The following GPM6A variants were observed in gnomAD, a reference collection of about 807,000 sequenced individuals.
GPM6A encodes neuronal membrane glycoprotein M6-a.
Under a neutral mutation model 32.1 loss-of-function variants are expected in GPM6A, and 7 were observed. That is an observed-to-expected ratio of 0.22 (90% CI 0.12 to 0.41). The LOEUF (loss-of-function observed/expected upper bound fraction) is 0.41, where lower values mean the gene tolerates loss of function less well. GPM6A is among the 10% of genes least tolerant of loss of function. GPM6A has a pLI of 1.00. For missense variants in GPM6A, 235 were observed against 347.2 expected, an observed-to-expected ratio of 0.68 and a Z score of 2.57; for synonymous variants, 130 against 123.4, an observed-to-expected ratio of 1.05 and a Z score of -0.35.
intron 4 of GPM6A, among the ~76,000 whole-genome samples, chr4:175,650,402 T>C (rs1269673502): frequency 1.3e-5 from 2 of 152,052 alleles, no homozygotes; most frequent in African/African-American, 2.4e-5. Flanking sequence ...CCTCCTGGGT[T>C]CAAGAAATTC....
chr4:175,917,997 C>T (rs2111520640), intron 1 of GPM6A, among the ~76,000 whole-genome samples: 1 of 151,968 alleles, frequency 6.6e-6, no homozygotes, highest in East Asian at 1.9e-4. Flanking sequence ...ACTGAAATAG[C>T]TGCTTTAGTG....
rs533774454 is a variant in GPM6A at position 175,899,665 on chromosome 4, C to T, written c.-22-87416G>A. ...AATGAAGCTGGCAAAATTGGATATG[C>T]GTATGCAGAAGAATGAAACTACACC... On this transcript the variant is annotated intron_variant, in intron 1 of 7. Coordinates refer to the GPM6A transcript ENST00000280187. Among the ~76,000 whole-genome samples the T allele has an allele frequency of 2.7e-3, 408 of 152,012 alleles. 4 individuals carry two copies. The highest frequency in any genetic ancestry group is 9.3e-3 in the African/African-American group (386 of 41,464).
At chr4:175,826,641 G>A (rs1027408) in intron 1 of GPM6A, among the ~76,000 whole-genome samples, 146,971 of 152,246 alleles carry the variant, frequency 0.97, 71,176 homozygotes, top group East Asian at 1. Context: ...TGAATACAGA[G>A]ACATGCAATT....
At chr4:175,849,142 A>C (rs1175624445) in intron 1 of GPM6A, among the ~76,000 whole-genome samples, 1 of 152,212 alleles carries the variant, frequency 6.6e-6, no homozygotes, top group East Asian at 1.9e-4. Context: ...TATGTTTCCT[A>C]TCCAAAGGTA....
intron 3 of GPM6A, 140 bp from the exon 4 acceptor site, chr4:175,652,127 G>A: frequency 1.8e-6 from 1 of 560,386 alleles, no homozygotes; most frequent in Admixed American, 3.5e-5. Context: ...TTGATTTGCA[G>A]CACAGAAGGT....
intron 1 of GPM6A, among the ~76,000 whole-genome samples, chr4:175,860,688 C>T (rs911937248): frequency 1.3e-5 from 2 of 152,132 alleles, no homozygotes; most frequent in African/African-American, 4.8e-5. Context: ...GACAAGCAAG[C>T]AGAACCCCCA....
chr4:175,976,198 C>T lies in GPM6A; in HGVS notation c.-23+26111G>A, dbSNP rs529613570. Among the ~76,000 whole-genome samples the T allele has an allele frequency of 3.4e-5, 5 of 146,500 alleles. No individual in the cohort carries two copies. In the East Asian group the frequency reaches 1.0e-3, roughly 31 times the overall value. ...TTCTTGAGACGGAGTCTTCCTGTGT[C>T]GCCCAGGCTGGAGTGCAGCTGCAAG... is the stretch of plus-strand genomic sequence containing the variant. On this transcript the variant is annotated intron_variant, in intron 1 of 7. Transcript: ENST00000280187.
In GPM6A at chr4:175,988,500, T is replaced by C. The variant is rs1475590586; in HGVS notation, c.-23+13809A>G. On this transcript the variant is annotated intron_variant, in intron 1 of 7. Coordinates refer to the GPM6A transcript ENST00000280187. ...CATATATTCAAAGACTAAAGAACCT[T>C]ATTTGAGATGCCCAAAAGATAATAA... Among the ~76,000 whole-genome samples, 3 of 152,186 alleles carry C rather than the reference T, an allele frequency of 2.0e-5. No individual in the cohort carries two copies. The East Asian group carries it at 5.8e-4, about 29-fold the overall frequency.
intron 1 of GPM6A, among the ~76,000 whole-genome samples, chr4:175,925,573 G>A (rs760732850): frequency 1.3e-4 from 20 of 151,686 alleles, no homozygotes; most frequent in Non-Finnish European, 2.6e-4. Context: ...CGTAAATGTA[G>A]TTAAAATGTT....
intron 1 of GPM6A, among the ~76,000 whole-genome samples, chr4:175,718,108 C>T (rs13129527): frequency 0.35 from 53,692 of 152,070 alleles, 11,765 homozygotes; most frequent in Non-Finnish European, 0.49. Flanking sequence ...TTATGTTACG[C>T]CAGATATTCT....
chr4:175,830,924 C>T lies in GPM6A; in HGVS notation c.-22-18675G>A, dbSNP rs139612249. Among the ~76,000 whole-genome samples the T allele has an allele frequency of 8.5e-3, 1,294 of 151,934 alleles. 17 individuals are homozygous for T. Among genetic ancestry groups the T allele is most frequent in the Middle Eastern group, 0.017 (5 of 290 alleles). ...GGGAAAAAAAAAGGAAGTGGAACAA[C>T]TTTGATTTAATTGGACAATTTTTAT... On this transcript the variant is annotated intron_variant, in intron 1 of 7. Transcript: ENST00000280187.
intron 1 of GPM6A, among the ~76,000 whole-genome samples, chr4:175,939,298 C>T (rs1218666666): frequency 1.3e-5 from 2 of 152,262 alleles, no homozygotes; most frequent in Non-Finnish European, 2.9e-5. Context: ...GCTCGTGTAG[C>T]AGTCTTCAAA....
At chr4:175,869,791 T>C (rs113032960) in intron 1 of GPM6A, among the ~76,000 whole-genome samples, 4,366 of 151,712 alleles carry the variant, frequency 0.029, 188 homozygotes, top group African/African-American at 0.098. Context: ...CAAAAAAAAA[T>C]ACTAACAGAG....
intron 1 of GPM6A, among the ~76,000 whole-genome samples, chr4:175,805,612 A>C (rs1180040478): frequency 2.0e-5 from 3 of 152,220 alleles, no homozygotes; most frequent in Non-Finnish European, 2.9e-5. Context: ...ATTTAAGTCC[A>C]AAAACATTAA....
intron 1 of GPM6A, among the ~76,000 whole-genome samples, chr4:175,939,005 T>C (rs1476966570): frequency 6.6e-6 from 1 of 152,202 alleles, no homozygotes; most frequent in Non-Finnish European, 1.5e-5. Flanking sequence ...TTCTGTAATT[T>C]AAATGCTATC....
chr4:175,843,973 T>C (rs1329953442), intron 1 of GPM6A, among the ~76,000 whole-genome samples: 1 of 152,146 alleles, frequency 6.6e-6, no homozygotes, highest in African/African-American at 2.4e-5. Flanking sequence ...CTTTGCTATC[T>C]GCAAGTTCCT....
chr4:175,724,315 C>T (rs1464689830), intron 1 of GPM6A, among the ~76,000 whole-genome samples: 4 of 152,182 alleles, frequency 2.6e-5, no homozygotes, highest in South Asian at 4.1e-4. Context: ...GAGGCCAAGG[C>T]GGGCAGATCA....
chr4:175,797,162 T>C (rs1250179418), intron 1 of GPM6A, among the ~76,000 whole-genome samples: 1 of 152,146 alleles, frequency 6.6e-6, no homozygotes. Context: ...AGAAACCAAA[T>C]ACATAATTCA....
chr4:175,965,267 A>G lies in GPM6A; in HGVS notation c.-23+37042T>C, dbSNP rs369498941. 9.2e-5 allele frequency among the ~76,000 whole-genome samples: 14 copies of G among 152,300 alleles called. No homozygotes were observed. The East Asian group carries it at 2.5e-3, about 27-fold the overall frequency. Reference sequence around the variant, plus strand: ...CTAGAAATCAAGGACAGAAAGCTATAAATCGTAAAGACAGACCATTGGTAC... The same window carrying G: ...CTAGAAATCAAGGACAGAAAGCTATGAATCGTAAAGACAGACCATTGGTAC... On this transcript the variant is annotated intron_variant, in intron 1 of 7. Coordinates refer to the GPM6A transcript ENST00000280187.
Sources: gnomAD v4.1 joint callset for allele counts (sites outside exome capture counted in the v4.1 genomes callset) on GRCh38, gnomAD v4.1.1 for gene constraint, MANE v1.5 for transcripts, NCBI Gene and HGNC (gene_info 2026-07-23, HGNC 2026-07-21) for gene names.